Variants in LRP1B observed in about 807,000 individuals in gnomAD.
The protein encoded by LRP1B is LDL receptor related protein 1B, also known as low-density lipoprotein receptor-related protein 1B.
LRP1B carries 217 observed loss-of-function variants against 556.6 expected under a neutral mutation model. That is an observed-to-expected ratio of 0.39 (90% CI 0.35 to 0.44). The LOEUF is 0.44. Ranked by LOEUF, LRP1B falls within the 20% of genes least tolerant of loss-of-function variation. The pLI is 1.00. For synonymous variants in LRP1B, 2,047 were observed against 1,865.8 expected (o/e 1.10, Z -2.50); for missense variants, 5,053 against 5,620.8 (o/e 0.90, Z 3.23).
intron 7 of LRP1B, among the ~76,000 whole-genome samples, chr2:141,164,446 CAT>C (rs1174855171): frequency 2.0e-5 from 3 of 152,000 alleles, no homozygotes; most frequent in Middle Eastern, 3.2e-3. Flanking sequence ...AAAGCAATTT[CAT>C]ATGTTACTGT....
chr2:141,033,252 G>A (rs1162147902), intron 11 of LRP1B, among the ~76,000 whole-genome samples: 1 of 151,942 alleles, frequency 6.6e-6, no homozygotes, highest in South Asian at 2.1e-4. Flanking sequence ...AGGGAGGGGA[G>A]GAACAGTGGA....
At chr2:140,381,411 A>G (rs1356548869) in intron 67 of LRP1B, among the ~76,000 whole-genome samples, 1 of 152,136 alleles carries the variant, frequency 6.6e-6, no homozygotes, top group Non-Finnish European at 1.5e-5. Context: ...GATATTGCCT[A>G]TATCCCTGGA....
At chr2:140,307,746 T>C (rs1684127294) in intron 83 of LRP1B, among the ~76,000 whole-genome samples, 1 of 151,790 alleles carries the variant, frequency 6.6e-6, no homozygotes, top group South Asian at 2.1e-4. Flanking sequence ...TTCTTTGATA[T>C]GGGCAGATAG....
At position 140,537,188 on chromosome 2, in the gene LRP1B, T is replaced by G. The variant is rs951300317; in HGVS notation, c.7514-479A>C. ...TCTGTATCAAAATAATAATTATTAT[T>G]ATATATAAGAATATATAATATAATA... On this transcript the variant is annotated intron_variant, in intron 45 of 90. Coordinates refer to ENST00000389484, the MANE Select transcript of LRP1B (RefSeq NM_018557.3). Among the ~76,000 whole-genome samples, 5 of 137,894 alleles carry G rather than the reference T, an allele frequency of 3.6e-5. No homozygotes were observed. The Admixed American group carries it at 3.8e-4, about 11-fold the overall frequency. 90.5% of individuals were successfully genotyped at this position (137,894 alleles called of 152,430 possible).
At chr2:140,699,368 T>G (rs1686548096) in intron 41 of LRP1B, among the ~76,000 whole-genome samples, 1 of 151,994 alleles carries the variant, frequency 6.6e-6, no homozygotes, top group Admixed American at 6.6e-5. Flanking sequence ...TACACACACA[T>G]ACTTAAAATT....
intron 1 of LRP1B, among the ~76,000 whole-genome samples, chr2:142,011,860 T>C (rs1023495844): frequency 4.6e-5 from 7 of 152,150 alleles, no homozygotes; most frequent in African/African-American, 1.7e-4. Context: ...CTCAAGTACA[T>C]TTGTTTTGTT....
chr2:141,567,595 T>A (rs10928111), intron 2 of LRP1B, among the ~76,000 whole-genome samples: 55,706 of 151,218 alleles, frequency 0.37, 10,602 homozygotes, highest in East Asian at 0.55. Context: ...CTTTTACATG[T>A]TAAATAATAA....
chr2:141,115,184 G>A (rs1212298619), intron 7 of LRP1B, among the ~76,000 whole-genome samples: 2 of 151,748 alleles, frequency 1.3e-5, no homozygotes, highest in African/African-American at 4.8e-5. Context: ...GACTTTCAAG[G>A]ATTATAGTTA....
chr2:141,181,357 C>A (rs908510903), intron 7 of LRP1B, among the ~76,000 whole-genome samples: 3 of 151,768 alleles, frequency 2.0e-5, no homozygotes, highest in African/African-American at 7.3e-5. Flanking sequence ...ACCAAAGTAA[C>A]CGAACTATAT....
intron 41 of LRP1B, among the ~76,000 whole-genome samples, chr2:140,616,923 C>T (rs1354271105): frequency 1.3e-5 from 2 of 151,632 alleles, no homozygotes; most frequent in African/African-American, 4.8e-5. Flanking sequence ...TCAGTGAAAA[C>T]AAAAAGAAGC....
chr2:141,814,416 G>T (rs1251846129), intron 1 of LRP1B, among the ~76,000 whole-genome samples: 2 of 152,114 alleles, frequency 1.3e-5, no homozygotes, highest in African/African-American at 2.4e-5. Flanking sequence ...CTTTTGGAAA[G>T]AATCATTTTG....
intron 3 of LRP1B, among the ~76,000 whole-genome samples, chr2:141,311,592 T>C (rs1294497326): frequency 6.6e-6 from 1 of 152,112 alleles, no homozygotes; most frequent in Non-Finnish European, 1.5e-5. Context: ...TGAGAGGTAA[T>C]AGAGGTAGGT....
chr2:140,979,059 A>G (rs1696686950), intron 18 of LRP1B, among the ~76,000 whole-genome samples: 1 of 152,030 alleles, frequency 6.6e-6, no homozygotes. Context: ...GCTCACTGCA[A>G]TCTCTGCCTC....
intron 86 of LRP1B, among the ~76,000 whole-genome samples, chr2:140,254,798 C>T (rs1026034282): frequency 6.6e-6 from 1 of 151,988 alleles, no homozygotes; most frequent in East Asian, 1.9e-4. Flanking sequence ...GTGATCCTCC[C>T]GCCTTGGCCT....
chr2:140,317,500 G>C (rs1423287091), intron 82 of LRP1B, among the ~76,000 whole-genome samples: 3 of 149,916 alleles, frequency 2.0e-5, no homozygotes, highest in African/African-American at 7.6e-5. Context: ...GAAATGGAGG[G>C]GTAGTTTTGA....
At chr2:141,802,418 T>C (rs1164604336) in intron 2 of LRP1B, among the ~76,000 whole-genome samples, 3 of 151,952 alleles carry the variant, frequency 2.0e-5, no homozygotes, top group African/African-American at 7.3e-5. Context: ...ATCCTGAAAA[T>C]CAGAAAAGCT....
chr2:141,472,462 C>T (rs1261353055), intron 3 of LRP1B, among the ~76,000 whole-genome samples: 1 of 152,110 alleles, frequency 6.6e-6, no homozygotes, highest in Non-Finnish European at 1.5e-5. Context: ...ATCACTTGAA[C>T]CCCGGAGGTG....
intron 2 of LRP1B, among the ~76,000 whole-genome samples, chr2:141,809,412 T>C (rs1696264739): frequency 6.6e-6 from 1 of 152,068 alleles, no homozygotes; most frequent in Non-Finnish European, 1.5e-5. Context: ...ACTATGTGGT[T>C]ACTCTGGGGA....
chr2:141,085,105 G>C (rs1041328569), intron 7 of LRP1B, among the ~76,000 whole-genome samples: 4 of 140,762 alleles, frequency 2.8e-5, no homozygotes, highest in Non-Finnish European at 6.1e-5. Context: ...CCCTAAGAGA[G>C]AAGGTAGGGA....
Sources: allele counts gnomAD v4.1 joint callset (sites outside exome capture counted in the v4.1 genomes callset), GRCh38; gene constraint gnomAD v4.1.1; transcripts MANE v1.5; gene names NCBI Gene and HGNC (gene_info 2026-07-23, HGNC 2026-07-21).